Variants in PPP2R2B observed in about 807,000 individuals in gnomAD.
The protein encoded by PPP2R2B is protein phosphatase 2 regulatory subunit Bbeta.
In PPP2R2B, 5 loss-of-function variants were observed where a neutral mutation model predicts 46.0. That is an observed-to-expected ratio of 0.11 (90% CI 0.06 to 0.23). PPP2R2B has a LOEUF of 0.23. PPP2R2B is among the 10% of genes least tolerant of loss of function. PPP2R2B has a pLI of 1.00. For missense variants in PPP2R2B, 367 were observed against 575.0 expected, an observed-to-expected ratio of 0.64 and a Z score of 3.70; for synonymous variants, 215 against 206.7, an observed-to-expected ratio of 1.04 and a Z score of -0.34.
intron 1 of PPP2R2B, among the ~76,000 whole-genome samples, chr5:147,044,534 G>A (rs879581103): frequency 4.6e-5 from 7 of 152,066 alleles, no homozygotes; most frequent in Non-Finnish European, 8.8e-5. Flanking sequence ...GAATTGTGTT[G>A]CCTTTAGACA....
intron 1 of PPP2R2B, among the ~76,000 whole-genome samples, chr5:146,892,703 G>A (rs1385564297): frequency 6.6e-6 from 1 of 152,068 alleles, no homozygotes; most frequent in Non-Finnish European, 1.5e-5. Context: ...GTTAATCAGT[G>A]TTCTGGGAAA....
In PPP2R2B at chr5:146,706,341, C is replaced by T. The variant is rs1402761345; in HGVS notation, c.71-5199G>A. 3 of 586,544 alleles carry T rather than the reference C, an allele frequency of 5.1e-6. No individual in the cohort carries two copies. In the East Asian group the frequency reaches 1.3e-4, roughly 26 times the overall value. 36.3% of individuals were successfully genotyped at this position (586,544 alleles called of 1,614,324 possible). On this transcript the variant is annotated intron_variant, in intron 2 of 9. Coordinates refer to ENST00000394411, the MANE Select transcript of PPP2R2B (RefSeq NM_181675.4). The stretch of plus-strand genomic sequence containing the variant: ...CCAGAGCGAGAGCTGGAGCTCAGGC[C>T]GTAGCTGAGGCCAGAGCCTGTGAGG...
rs35622605 is a variant in PPP2R2B, at chr5:147,079,445, C to T, written c.50+1614G>A. Among the ~76,000 whole-genome samples, 865 of 132,186 alleles carry T rather than the reference C, an allele frequency of 6.5e-3. 18 individuals carry two copies. The highest frequency in any genetic ancestry group is 0.022 in the African/African-American group (800 of 35,696). The allele number at this position is 132,186 out of a possible 152,430, so 86.7% of individuals were successfully genotyped here. A position where few individuals can be genotyped will look rare whatever the true frequency, so the allele number is the denominator to read the frequency against. On this transcript the variant is annotated intron_variant, in intron 2 of 10. Transcript: ENST00000394413. The stretch of plus-strand genomic sequence containing the variant: ...AACACACACACATTTTATATATATA[C>T]ATATATATATATATATATATATATA...
rs534087890 is a variant in PPP2R2B, at chr5:146,662,858, T to G, written c.448-12134A>C. On this transcript the variant is annotated intron_variant, in intron 5 of 9. Coordinates refer to ENST00000394411, the MANE Select transcript of PPP2R2B (RefSeq NM_181675.4). ...ATTAGTAAAAAGACAAACAGCTCAG[T>G]AAAAATATGGGCAAAAATAGGAATG... Among the ~76,000 whole-genome samples, 3 of 151,624 alleles carry G rather than the reference T, an allele frequency of 2.0e-5. No individual in the cohort carries two copies. The East Asian group carries it at 5.8e-4, about 29-fold the overall frequency.
intron 2 of PPP2R2B, among the ~76,000 whole-genome samples, chr5:146,722,997 C>A (rs564516974): frequency 6.6e-6 from 1 of 152,148 alleles, no homozygotes; most frequent in Non-Finnish European, 1.5e-5. Flanking sequence ...TATTCATCCT[C>A]GATCCTCAGA....
chr5:146,822,262 A>G (rs1758307088), intron 2 of PPP2R2B, among the ~76,000 whole-genome samples: 1 of 152,188 alleles, frequency 6.6e-6, no homozygotes, highest in African/African-American at 2.4e-5. Flanking sequence ...GGAAAGCATA[A>G]CTCAGATTAC....
At chr5:146,645,760 C>T (rs1775539649) in intron 6 of PPP2R2B, among the ~76,000 whole-genome samples, 1 of 152,114 alleles carries the variant, frequency 6.6e-6, no homozygotes, top group Non-Finnish European at 1.5e-5. Flanking sequence ...CTGGCTTCTC[C>T]CAGATAAGTC....
At chr5:146,788,131 C>T (rs1196489582) in intron 2 of PPP2R2B, among the ~76,000 whole-genome samples, 1 of 152,062 alleles carries the variant, frequency 6.6e-6, no homozygotes, top group Non-Finnish European at 1.5e-5. Context: ...GCGCAAGTTG[C>T]CTCCAGTTTT....
chr5:146,762,451 C>T (rs1754224716), intron 2 of PPP2R2B, among the ~76,000 whole-genome samples: 1 of 152,204 alleles, frequency 6.6e-6, no homozygotes, highest in Admixed American at 6.5e-5. Context: ...TCCAGGCATA[C>T]AGTCAGCACT....
At chr5:146,677,641 C>T (rs1777828720) in intron 5 of PPP2R2B, among the ~76,000 whole-genome samples, 1 of 151,138 alleles carries the variant, frequency 6.6e-6, no homozygotes, top group Non-Finnish European at 1.5e-5. Context: ...AGTTCTCCCA[C>T]TGTAGCCTCT....
In PPP2R2B at chr5:146,878,360, C is replaced by A; in HGVS notation, c.-124-165G>T. Reference sequence around the variant, plus strand: ...GATGCTGCGCCTGCCTCCGCTGCCTCCGGGTGCCAAGATACGCCGTGCCCC... The same window carrying A: ...GATGCTGCGCCTGCCTCCGCTGCCTACGGGTGCCAAGATACGCCGTGCCCC... On this transcript the variant is annotated intron_variant, in intron 1 of 9. Coordinates refer to ENST00000394411, the MANE Select transcript of PPP2R2B (RefSeq NM_181675.4). This position sits in a 1 kb window ranked among gnomAD's most constrained non-coding sequence, Gnocchi z 4.5. 1 of 1,435,892 alleles carries A rather than the reference C, an allele frequency of 7.0e-7. No homozygotes were observed. The highest frequency in any genetic ancestry group is 9.1e-7 in the Non-Finnish European group (1 of 1,101,620). 88.9% of individuals were successfully genotyped at this position (1,435,892 alleles called of 1,614,324 possible).
intron 1 of PPP2R2B, among the ~76,000 whole-genome samples, chr5:146,911,722 C>T (rs548577197): frequency 6.6e-6 from 1 of 152,272 alleles, no homozygotes; most frequent in South Asian, 2.1e-4. Flanking sequence ...CTCTATATGG[C>T]CACACCTAGG....
intron 7 of PPP2R2B, among the ~76,000 whole-genome samples, chr5:146,632,933 C>A (rs762813339): frequency 9.2e-5 from 14 of 152,052 alleles, no homozygotes; most frequent in Non-Finnish European, 1.5e-4. Flanking sequence ...TTACGGGGCA[C>A]GTTGGAAAGG....
At position 146,650,684 on chromosome 5, in the gene PPP2R2B, G is replaced by C. The variant is rs765961419; in HGVS notation, c.488C>G (p.Thr163Ser). Residue 163 changes from threonine to serine, a missense_variant, in exon 6 of 10, where the codon ACC becomes AGC. Around this residue, in one of 2 missense-constraint regions of PPP2R2B, gnomAD observed 361 missense variants for 545.5 expected, o/e 0.66. Coordinates refer to ENST00000394411, the MANE Select transcript of PPP2R2B (RefSeq NM_181675.4). ...TGCGTTGGCAAATACTCTTCGTGGG[G>C]TGGCCTCCACCATCAGGTCCATGGG... ...LRPMDLMVEA[T>S]PRRVFANAHT... 106 of 1,613,832 alleles carry C rather than the reference G, an allele frequency of 6.6e-5. No homozygotes were observed. The highest frequency in any genetic ancestry group is 8.6e-5 in the Non-Finnish European group (101 of 1,179,902).
intron 5 of PPP2R2B, among the ~76,000 whole-genome samples, chr5:146,657,148 T>C (rs979636224): frequency 2.1e-4 from 32 of 152,244 alleles, no homozygotes; most frequent in African/African-American, 7.0e-4. Flanking sequence ...AGGAAGCCCC[T>C]GAAGCCTCCA....
intron 2 of PPP2R2B, 38 bp downstream of exon 2, chr5:146,877,964 C>T: frequency 6.3e-7 from 1 of 1,599,902 alleles, no homozygotes; most frequent in Non-Finnish European, 8.5e-7. Flanking sequence ...CAACTTGCGC[C>T]CGGCCCCAAC....
intron 2 of PPP2R2B, among the ~76,000 whole-genome samples, chr5:146,832,720 T>G (rs1204692400): frequency 1.3e-5 from 2 of 152,150 alleles, no homozygotes; most frequent in Non-Finnish European, 2.9e-5. Context: ...ATATTTTTAC[T>G]ATGCTTTTTC....
chr5:147,073,649 T>G (rs891749844), intron 2 of PPP2R2B, among the ~76,000 whole-genome samples: 1 of 152,194 alleles, frequency 6.6e-6, no homozygotes, highest in African/African-American at 2.4e-5. Context: ...CAAAACACCT[T>G]CAGATTTTCT....
At chr5:146,902,641 C>T (rs1373637097) in intron 1 of PPP2R2B, among the ~76,000 whole-genome samples, 1 of 152,192 alleles carries the variant, frequency 6.6e-6, no homozygotes, top group African/African-American at 2.4e-5. Flanking sequence ...CCATCCTACT[C>T]ATTTTATTGA....
Sources: allele counts gnomAD v4.1 joint callset (sites outside exome capture counted in the v4.1 genomes callset), GRCh38; gene constraint gnomAD v4.1.1; regional missense constraint gnomAD v4.1.1; non-coding constraint Gnocchi (gnomAD v3.1); transcripts MANE v1.5; gene names NCBI Gene and HGNC (gene_info 2026-07-23, HGNC 2026-07-21).